Variants in RGS7 observed in about 807,000 individuals in gnomAD.
RGS7 encodes regulator of G protein signaling 7, also known as regulator of G-protein signaling 7.
In RGS7, 27 loss-of-function variants were observed where a neutral mutation model predicts 81.1. That is an observed-to-expected ratio of 0.33 (90% CI 0.25 to 0.46). The LOEUF is 0.46. Among genes scored for constraint, RGS7 ranks in the 20% least tolerant of loss-of-function variants. RGS7 has a pLI of 1.00. For synonymous variants in RGS7, 208 were observed against 207.7 expected (o/e 1.00, Z -0.01); for missense variants, 396 against 607.4 (o/e 0.65, Z 3.66).
In RGS7 at chr1:241,346,366, C is replaced by A. The variant is rs575338079; in HGVS notation, c.78+9333G>T. ...TCCAAAACTCTATCTTCAGCACTTA[C>A]CATACACATAGCTGCCCCATACACA... is the stretch of plus-strand genomic sequence containing the variant. On this transcript the variant is annotated intron_variant, in intron 2 of 18. Transcript: ENST00000440928. Among the ~76,000 whole-genome samples, 11 of 147,966 alleles carry A rather than the reference C, an allele frequency of 7.4e-5. No individual in the cohort carries two copies. In the East Asian group the frequency reaches 2.1e-3, roughly 28 times the overall value.
At chr1:240,839,553 G>C (rs1695269220) in intron 9 of RGS7, among the ~76,000 whole-genome samples, 2 of 152,136 alleles carry the variant, frequency 1.3e-5, no homozygotes, top group Non-Finnish European at 2.9e-5. Context: ...GTCAGAAGTA[G>C]ATGACATCAA....
chr1:240,986,167 C>A (rs1057326279), intron 3 of RGS7, among the ~76,000 whole-genome samples: 1 of 152,066 alleles, frequency 6.6e-6, no homozygotes, highest in Non-Finnish European at 1.5e-5. Flanking sequence ...AGTTGCAGAG[C>A]TTTGTGCTCC....
intron 2 of RGS7, among the ~76,000 whole-genome samples, chr1:241,217,135 C>T (rs1237457536): frequency 1.3e-5 from 2 of 152,074 alleles, no homozygotes; most frequent in African/African-American, 4.8e-5. Flanking sequence ...AGGGGTGGGG[C>T]CCTGATCCAA....
chr1:241,169,060 G>C (rs952581438), intron 2 of RGS7, among the ~76,000 whole-genome samples: 1 of 152,044 alleles, frequency 6.6e-6, no homozygotes, highest in African/African-American at 2.4e-5. Flanking sequence ...CTGACCTCCT[G>C]ACTCACAAAA....
intron 2 of RGS7, among the ~76,000 whole-genome samples, chr1:241,178,282 AC>A (rs1287734049): frequency 2.0e-5 from 3 of 152,186 alleles, no homozygotes; most frequent in African/African-American, 7.2e-5. Context: ...ACAAAGCAAG[AC>A]CCTGTCTCTA....
chr1:241,236,373 C>T (rs1299044072), intron 2 of RGS7, among the ~76,000 whole-genome samples: 1 of 152,070 alleles, frequency 6.6e-6, no homozygotes, highest in Non-Finnish European at 1.5e-5. Flanking sequence ...TAGAGTTAGC[C>T]ATAAAGCAAA....
intron 2 of RGS7, among the ~76,000 whole-genome samples, chr1:241,257,851 A>G (rs988714277): frequency 5.9e-5 from 9 of 152,194 alleles, no homozygotes; most frequent in African/African-American, 1.9e-4. Context: ...TTCACTTTTC[A>G]CTCTACAAGA....
At chr1:240,933,865 CAT>C (rs764586122) in intron 5 of RGS7, among the ~76,000 whole-genome samples, 1 of 151,974 alleles carries the variant, frequency 6.6e-6, no homozygotes, top group African/African-American at 2.4e-5. Context: ...ATGATTAAGA[CAT>C]GTACTACAAA....
In RGS7 at chr1:241,357,195, GC is replaced by G. The variant is rs2083635097; in HGVS notation, c.-348del. The G allele has an allele frequency of 6.6e-6, 1 of 151,914 alleles. No individual in the cohort carries two copies. Among genetic ancestry groups the G allele is most frequent in the Admixed American group, 6.5e-5 (1 of 15,268 alleles). 9.4% of individuals were successfully genotyped at this position (151,914 alleles called of 1,614,324 possible). ...CCGGGGACTGGGACCAGCCGAGCGC[GC>G]GCGGGAGTCGAGACGCCCGGCCCGT... On this transcript the variant is annotated 5_prime_UTR_variant, in exon 1 of 19. Transcript: ENST00000440928.
chr1:240,913,986 T>C (rs1224052704), intron 6 of RGS7, among the ~76,000 whole-genome samples: 4 of 152,028 alleles, frequency 2.6e-5, no homozygotes, highest in Non-Finnish European at 5.9e-5. Flanking sequence ...TATGTATACA[T>C]GTGCCATGCT....
chr1:241,336,068 A>C (rs75276301), intron 2 of RGS7, among the ~76,000 whole-genome samples: 6,399 of 152,112 alleles, frequency 0.042, 454 homozygotes, highest in African/African-American at 0.15. Flanking sequence ...GACTTTTTTT[A>C]AAGATAAGTA....
At chr1:241,356,864 G>C (rs1341256995) in intron 1 of RGS7, 35 bp downstream of exon 1, 2 of 151,324 alleles carry the variant, frequency 1.3e-5, no homozygotes, top group East Asian at 3.9e-4. Flanking sequence ...GCTCTGGGTG[G>C]CGCTGCCTCC....
chr1:241,219,572 G>A (rs2074775913), intron 2 of RGS7, among the ~76,000 whole-genome samples: 1 of 152,136 alleles, frequency 6.6e-6, no homozygotes, highest in Non-Finnish European at 1.5e-5. Context: ...CAGAGTTATG[G>A]CTTCCTTTCA....
chr1:240,931,824 A>C (rs1233754137), intron 5 of RGS7, among the ~76,000 whole-genome samples: 1 of 152,186 alleles, frequency 6.6e-6, no homozygotes, highest in Non-Finnish European at 1.5e-5. Context: ...TATTATTATC[A>C]TTAACATTTA....
At chr1:241,243,239 G>A (rs185815247) in intron 2 of RGS7, among the ~76,000 whole-genome samples, 16 of 152,210 alleles carry the variant, frequency 1.1e-4, no homozygotes, top group Non-Finnish European at 1.3e-4. Context: ...CCTCCTCTCC[G>A]TCCAGAGCCA....
intron 18 of RGS7, among the ~76,000 whole-genome samples, chr1:240,793,430 A>T (rs1686355663): frequency 1.3e-5 from 2 of 151,848 alleles, no homozygotes; most frequent in African/African-American, 4.8e-5. Context: ...GCCAACTACA[A>T]AATGACAAAT....
At chr1:241,181,204 A>G (rs75880005) in intron 2 of RGS7, among the ~76,000 whole-genome samples, 7,704 of 152,234 alleles carry the variant, frequency 0.051, 301 homozygotes, top group East Asian at 0.22. Flanking sequence ...TAAACCATGG[A>G]CCTTGGGTGA....
chr1:240,953,867 G>A (rs148906966), intron 4 of RGS7, among the ~76,000 whole-genome samples: 17 of 152,104 alleles, frequency 1.1e-4, no homozygotes, highest in Admixed American at 5.9e-4. Context: ...CAGGCAAACC[G>A]TGTGAAAAAG....
At position 241,214,657 on chromosome 1, in the gene RGS7, T is replaced by C. The variant is rs189645569; in HGVS notation, c.79-115895A>G. Among the ~76,000 whole-genome samples the C allele has an allele frequency of 1.4e-4, 21 of 152,284 alleles. No individual in the cohort carries two copies. The East Asian group carries it at 1.5e-3, about 11-fold the overall frequency. ...AAAAGTATATCAGATCACTCTATACTGTCCCTCAGATCATTGAGAATGTGT... is the reference window on the plus strand; with the variant it reads ...AAAAGTATATCAGATCACTCTATACCGTCCCTCAGATCATTGAGAATGTGT... On this transcript the variant is annotated intron_variant, in intron 2 of 18. Transcript: ENST00000440928.
Sources: allele counts gnomAD v4.1 joint callset (sites outside exome capture counted in the v4.1 genomes callset), GRCh38; gene constraint gnomAD v4.1.1; transcripts MANE v1.5; gene names NCBI Gene and HGNC (gene_info 2026-07-23, HGNC 2026-07-21).